The following ROBO2 variants were observed in gnomAD, a reference collection of about 807,000 sequenced individuals.
ROBO2 encodes the protein roundabout guidance receptor 2.
ROBO2 carries 53 observed loss-of-function variants against 160.8 expected under a neutral mutation model. The observed-to-expected ratio is 0.33, with a 90% confidence interval of 0.26 to 0.41. The LOEUF is 0.41. ROBO2 is among the 10% of genes least tolerant of loss of function. ROBO2 has a pLI of 1.00. For missense variants in ROBO2, 1,577 were observed against 1,722.4 expected (o/e 0.92, Z 1.49); for synonymous variants, 664 against 611.7 (o/e 1.09, Z -1.26).
At chr3:76,304,796 T>C (rs911328806) in intron 2 of ROBO2, among the ~76,000 whole-genome samples, 3 of 144,954 alleles carry the variant, frequency 2.1e-5, no homozygotes, top group Non-Finnish European at 3.0e-5. Context: ...CTTTCTTTCT[T>C]TCTCTTTCTT....
At chr3:77,006,049 T>C (rs962405938) in intron 2 of ROBO2, among the ~76,000 whole-genome samples, 6 of 152,124 alleles carry the variant, frequency 3.9e-5, no homozygotes, top group Non-Finnish European at 7.4e-5. Flanking sequence ...TTATAGACTT[T>C]TTTTTTCAGA....
intron 2 of ROBO2, among the ~76,000 whole-genome samples, chr3:76,318,796 A>G (rs1041919418): frequency 4.0e-5 from 6 of 151,780 alleles, no homozygotes; most frequent in African/African-American, 1.5e-4. Flanking sequence ...AAAAATGGGG[A>G]AAAAATATAA....
chr3:76,348,755 A>C (rs1356914421), intron 2 of ROBO2, among the ~76,000 whole-genome samples: 4 of 152,100 alleles, frequency 2.6e-5, no homozygotes, highest in African/African-American at 9.7e-5. Context: ...GGTTTGGCAA[A>C]GCTCAACTGT....
intron 2 of ROBO2, among the ~76,000 whole-genome samples, chr3:76,647,457 A>G (rs1400763329): frequency 1.3e-5 from 2 of 152,198 alleles, no homozygotes; most frequent in African/African-American, 4.8e-5. Flanking sequence ...CGGATATGGA[A>G]AGTTGTGCCT....
intron 2 of ROBO2, among the ~76,000 whole-genome samples, chr3:76,626,788 G>A (rs1168847996): frequency 6.6e-6 from 1 of 152,008 alleles, no homozygotes; most frequent in African/African-American, 2.4e-5. Flanking sequence ...CGCCTCCCGG[G>A]TTCACGTCAT....
chr3:77,606,910 C>T (rs1165145493), intron 20 of ROBO2, among the ~76,000 whole-genome samples: 1 of 152,134 alleles, frequency 6.6e-6, no homozygotes, highest in Non-Finnish European at 1.5e-5. Context: ...TATTCTGCTC[C>T]AAGAAGTACT....
At chr3:77,239,738 G>A (rs531874093) in intron 2 of ROBO2, among the ~76,000 whole-genome samples, 5 of 151,018 alleles carry the variant, frequency 3.3e-5, no homozygotes, top group African/African-American at 4.9e-5. Context: ...TTACCTAGAC[G>A]CAGAGCACTG....
chr3:76,245,945 C>T (rs1055174090), intron 2 of ROBO2, among the ~76,000 whole-genome samples: 1 of 151,996 alleles, frequency 6.6e-6, no homozygotes, highest in Non-Finnish European at 1.5e-5. Context: ...TAGAATGACC[C>T]AAGAGCTTTT....
chr3:77,261,227 C>A lies in ROBO2; in HGVS notation c.388+162887C>A, dbSNP rs188887016. ...GACAGTGATGTGACTCTTATGCATG[C>A]CTGGACCAAAATGGCAAATGTGTGC... On this transcript the variant is annotated intron_variant, in intron 2 of 25. Transcript: ENST00000461745. Among the ~76,000 whole-genome samples the A allele has an allele frequency of 1.7e-3, 261 of 152,182 alleles. 1 individual carries two copies. Among genetic ancestry groups the A allele is most frequent in the Middle Eastern group, 3.4e-3 (1 of 292 alleles).
intron 1 of ROBO2, among the ~76,000 whole-genome samples, chr3:77,078,940 T>G (rs2068316424): frequency 6.6e-6 from 1 of 152,146 alleles, no homozygotes. Flanking sequence ...TTAATTATTT[T>G]ATTGATTGAT....
intron 2 of ROBO2, among the ~76,000 whole-genome samples, chr3:76,030,944 A>G (rs2066898950): frequency 6.6e-6 from 1 of 152,156 alleles, no homozygotes; most frequent in African/African-American, 2.4e-5. Context: ...CTGAATCTAT[A>G]AATTACCTTG....
chr3:76,350,450 A>C (rs1462565995), intron 2 of ROBO2, among the ~76,000 whole-genome samples: 1 of 152,062 alleles, frequency 6.6e-6, no homozygotes, highest in African/African-American at 2.4e-5. Flanking sequence ...TGGTTGAGAA[A>C]GTTTATTTCC....
At chr3:75,967,804 A>C (rs1034611172) in intron 2 of ROBO2, among the ~76,000 whole-genome samples, 1 of 151,524 alleles carries the variant, frequency 6.6e-6, no homozygotes, top group Non-Finnish European at 1.5e-5. Context: ...GAATCACCTT[A>C]TCAAGTTGCC....
intron 2 of ROBO2, among the ~76,000 whole-genome samples, chr3:76,892,807 C>G (rs1489434045): frequency 6.6e-6 from 1 of 152,144 alleles, no homozygotes; most frequent in Non-Finnish European, 1.5e-5. Context: ...TTCTCTCTTC[C>G]CAAGATGAAG....
intron 2 of ROBO2, among the ~76,000 whole-genome samples, chr3:76,343,098 C>T (rs933993450): frequency 1.1e-4 from 17 of 152,008 alleles, no homozygotes; most frequent in African/African-American, 2.7e-4. Flanking sequence ...TTACCAGAAA[C>T]TCTTCTCTAG....
intron 1 of ROBO2, among the ~76,000 whole-genome samples, chr3:77,052,099 G>T (rs78854826): frequency 1.3e-5 from 2 of 152,208 alleles, no homozygotes; most frequent in African/African-American, 4.8e-5. Flanking sequence ...GACTGATGTT[G>T]GTTGCTAGGA....
intron 2 of ROBO2, among the ~76,000 whole-genome samples, chr3:77,153,191 G>A (rs1050578467): frequency 2.6e-5 from 4 of 152,088 alleles, no homozygotes; most frequent in African/African-American, 9.7e-5. Context: ...TTAAACGTTT[G>A]GTAGACTTTT....
intron 2 of ROBO2, among the ~76,000 whole-genome samples, chr3:77,370,464 A>G (rs1018034289): frequency 1.3e-5 from 2 of 152,096 alleles, no homozygotes; most frequent in African/African-American, 4.8e-5. Flanking sequence ...ACTCTCTCTC[A>G]TTCTTTTTCT....
intron 2 of ROBO2, among the ~76,000 whole-genome samples, chr3:77,410,654 CTCTTCT>C (rs2076682326): frequency 4.3e-5 from 5 of 115,868 alleles, no homozygotes; most frequent in Admixed American, 8.7e-5. Flanking sequence ...CTTTCTCCTC[CTCTTCT>C]TCCTCCTCCT....
Sources: allele counts gnomAD v4.1 joint callset (sites outside exome capture counted in the v4.1 genomes callset), GRCh38; gene constraint gnomAD v4.1.1; transcripts MANE v1.5; gene names NCBI Gene and HGNC (gene_info 2026-07-23, HGNC 2026-07-21).